The following MYO9A variants were observed in gnomAD, a reference collection of about 807,000 sequenced individuals.
The protein encoded by MYO9A is myosin IXA, also known as unconventional myosin-IXa.
A neutral mutation model predicts 293.3 loss-of-function variants in MYO9A; 103 were observed. The observed-to-expected ratio is 0.35, with a 90% CI of 0.30 to 0.41. The LOEUF is 0.41. Ranked by LOEUF, MYO9A falls within the 10% of genes least tolerant of loss-of-function variation. The pLI is 1.00. For missense variants in MYO9A, 2,685 were observed against 3,033.0 expected (o/e 0.89, Z 2.69); for synonymous variants, 1,001 against 1,035.7 (o/e 0.97, Z 0.64).
intron 35 of MYO9A, among the ~76,000 whole-genome samples, chr15:71,853,943 G>A (rs2055761824): frequency 6.6e-6 from 1 of 152,202 alleles, no homozygotes; most frequent in Non-Finnish European, 1.5e-5. Context: ...CTTTGGGCAA[G>A]ATCTTCTGTA....
chr15:72,084,452 G>A (rs2079650161), intron 1 of MYO9A, among the ~76,000 whole-genome samples: 1 of 152,042 alleles, frequency 6.6e-6, no homozygotes, highest in South Asian at 2.1e-4. Flanking sequence ...CTTTTAATTG[G>A]AGCATTTAGC....
chr15:72,003,151 C>A (rs987275815), intron 8 of MYO9A, among the ~76,000 whole-genome samples: 1 of 151,748 alleles, frequency 6.6e-6, no homozygotes, highest in African/African-American at 2.4e-5. Context: ...TGCCTGTAAT[C>A]CCAGCTACTC....
rs751898744 is a variant in MYO9A at position 71,826,799 on chromosome 15, GC to G, written c.7427del (p.Gly2476AlafsTer27). 1.9e-6 allele frequency: 3 copies of G among 1,614,140 alleles called. No individual in the cohort carries two copies. In the Admixed American group the frequency reaches 5.0e-5, roughly 27 times the overall value. ...NEALGMEGPL[G>X]QTKFLEDKPQ... ...GCTTGTCTTCCAGGAATTTGGTCTG[GC>G]CCAATGGTCCTTCCATTCCCAGGGC... On this transcript the variant is annotated frameshift_variant, in exon 42 of 42. Coordinates refer to ENST00000356056, the MANE Select transcript of MYO9A (RefSeq NM_006901.4). LOFTEE classifies it high-confidence loss of function.
At chr15:71,840,008 G>A (rs951427330) in intron 39 of MYO9A, among the ~76,000 whole-genome samples, 3 of 152,092 alleles carry the variant, frequency 2.0e-5, no homozygotes, top group Non-Finnish European at 4.4e-5. Context: ...CAGGACCCCT[G>A]GAAACCTGAT....
At chr15:72,016,290 A>G (rs2077336128) in intron 6 of MYO9A, among the ~76,000 whole-genome samples, 1 of 152,160 alleles carries the variant, frequency 6.6e-6, no homozygotes, top group African/African-American at 2.4e-5. Flanking sequence ...TAAAAAAAAA[A>G]ATCTTATAAA....
chr15:71,935,902 T>TTA (rs1285203078), intron 16 of MYO9A, among the ~76,000 whole-genome samples: 4 of 76,132 alleles, frequency 5.3e-5, no homozygotes, highest in African/African-American at 1.9e-4. Context: ...AAGGTCTTAT[T>TTA]TACACACACA....
intron 1 of MYO9A, among the ~76,000 whole-genome samples, chr15:72,064,509 T>C (rs982409199): frequency 6.6e-6 from 1 of 152,216 alleles, no homozygotes; most frequent in African/African-American, 2.4e-5. Flanking sequence ...AGGGATTGAC[T>C]GAAACAAGAG....
intron 1 of MYO9A, among the ~76,000 whole-genome samples, chr15:72,053,452 A>C (rs546270596): frequency 6.6e-6 from 1 of 152,346 alleles, no homozygotes; most frequent in Admixed American, 6.5e-5. Flanking sequence ...CATGTGGCAC[A>C]TATACACCAC....
chr15:72,101,976 G>A (rs1202863015), intron 1 of MYO9A, among the ~76,000 whole-genome samples: 6 of 151,224 alleles, frequency 4.0e-5, no homozygotes, highest in Admixed American at 6.6e-5. Flanking sequence ...CCACCACCCC[G>A]TCTGGGAGGT....
intron 7 of MYO9A, among the ~76,000 whole-genome samples, chr15:72,009,818 G>A (rs1221322419): frequency 1.3e-5 from 2 of 152,122 alleles, no homozygotes; most frequent in African/African-American, 2.4e-5. Flanking sequence ...CCAAGGTTGA[G>A]TCTTTAATTT....
chr15:71,959,129 T>A (rs2059268228), intron 14 of MYO9A: 1 of 152,198 alleles, frequency 6.6e-6, no homozygotes. Context: ...TTTGAGATAG[T>A]CCTTTTATTT....
chr15:71,902,932 T>A lies in MYO9A; in HGVS notation c.3000+9A>T, dbSNP rs374623747. 2 of 1,563,082 alleles carry A rather than the reference T, an allele frequency of 1.3e-6. No homozygotes were observed. The highest frequency in any genetic ancestry group is 2.7e-5 in the African/African-American group (2 of 73,088). On this transcript the variant is annotated intron_variant, in intron 22 of 41. Coordinates refer to ENST00000356056, the MANE Select transcript of MYO9A (RefSeq NM_006901.4). ...CAATTTTGACCAGAGCTATACAGAT[T>A]ATATTTACCATGGTTTTTCCAACTT...
intron 1 of MYO9A, among the ~76,000 whole-genome samples, chr15:72,076,870 C>CT (rs2079369055): frequency 6.6e-6 from 1 of 152,048 alleles, no homozygotes; most frequent in Non-Finnish European, 1.5e-5. Context: ...ACTGGCAAAA[C>CT]AATACACAAA....
At chr15:72,041,178 G>A in intron 2 of MYO9A, 3 of 1,182,116 alleles carry the variant, frequency 2.5e-6, no homozygotes, top group Admixed American at 3.5e-5. Context: ...CAGGGAGGTT[G>A]AGGCTCCCAT....
At chr15:72,081,148 C>G (rs903564633) in intron 1 of MYO9A, among the ~76,000 whole-genome samples, 1 of 152,130 alleles carries the variant, frequency 6.6e-6, no homozygotes, top group East Asian at 1.9e-4. Context: ...CCACACTGCT[C>G]TCTACAATGG....
intron 15 of MYO9A, among the ~76,000 whole-genome samples, chr15:71,941,437 A>C (rs1179753303): frequency 6.6e-6 from 1 of 151,994 alleles, no homozygotes; most frequent in Admixed American, 6.6e-5. Context: ...TCCATCTCAA[A>C]AACAACAACA....
chr15:72,005,366 T>C (rs541399783), intron 8 of MYO9A, among the ~76,000 whole-genome samples: 18 of 152,160 alleles, frequency 1.2e-4, no homozygotes, highest in Non-Finnish European at 2.2e-4. Context: ...TATCAGTCTC[T>C]TACCAAAGAA....
At chr15:71,958,950 C>A (rs2059264119) in intron 14 of MYO9A, 1 of 152,118 alleles carries the variant, frequency 6.6e-6, no homozygotes, top group Admixed American at 6.6e-5. Flanking sequence ...AGAAAAGTTT[C>A]TTCTCTTACT....
rs975482892 is a variant in MYO9A, at chr15:71,854,390, C to T, written c.6333G>A (p.Gln2111=). ...GSTNKIKELR[Q]GLDTDAESVN... ...GCACTATCTTACCTGTATCTAGACC[C>T]TGCCGAAGCTCCTTGATTTTATTAG... The change falls in exon 35 of 42, where the codon CAG becomes CAA. Residue 2111 remains glutamine (Q), a synonymous_variant. Coordinates refer to ENST00000356056, the MANE Select transcript of MYO9A (RefSeq NM_006901.4). 10 of 1,592,436 alleles carry T rather than the reference C, an allele frequency of 6.3e-6. No homozygotes were observed. Among genetic ancestry groups the T allele is most frequent in the Non-Finnish European group, 7.7e-6 (9 of 1,170,952 alleles).
Sources: gnomAD v4.1 joint callset for allele counts (sites outside exome capture counted in the v4.1 genomes callset) on GRCh38, gnomAD v4.1.1 for gene constraint, MANE v1.5 for transcripts, NCBI Gene and HGNC (gene_info 2026-07-23, HGNC 2026-07-21) for gene names.